Variants in ADGRA1 observed in about 807,000 individuals in gnomAD.
ADGRA1 encodes the protein adhesion G protein-coupled receptor A1.
Under a neutral mutation model 21.3 loss-of-function variants are expected in ADGRA1, and 12 were observed. That is an observed-to-expected ratio of 0.56 (90% CI 0.36 to 0.91). The LOEUF is 0.91. ADGRA1 is among the 40% of genes least tolerant of loss of function. The pLI, the probability that ADGRA1 is intolerant of heterozygous loss-of-function variation, is 0.01. For missense variants in ADGRA1, 790 were observed against 805.6 expected, an observed-to-expected ratio of 0.98 and a Z score of 0.23; for synonymous variants, 385 against 368.8, an observed-to-expected ratio of 1.04 and a Z score of -0.50.
At chr10:133,090,291 T>C (rs1261129487) in intron 2 of ADGRA1, among the ~76,000 whole-genome samples, 1 of 152,200 alleles carries the variant, frequency 6.6e-6, no homozygotes, top group Non-Finnish European at 1.5e-5. Context: ...TCCTGGCTCC[T>C]GGTGGAGCTT....
intron 2 of ADGRA1, among the ~76,000 whole-genome samples, chr10:133,094,379 C>A (rs2135865839): frequency 6.6e-6 from 1 of 152,374 alleles, no homozygotes; most frequent in Non-Finnish European, 1.5e-5. Context: ...CAGGACGCGG[C>A]TCGCAGGCAC....
At chr10:133,114,804 C>T (rs184051530) in intron 5 of ADGRA1, among the ~76,000 whole-genome samples, 2 of 152,282 alleles carry the variant, frequency 1.3e-5, no homozygotes, top group Non-Finnish European at 2.9e-5. Context: ...GTGCCGGGGC[C>T]GTCTCCTGAG....
In ADGRA1 at chr10:133,124,940, G is replaced by A. The variant is rs548346951; in HGVS notation, c.402-2293G>A. Among the ~76,000 whole-genome samples the A allele has an allele frequency of 1.3e-3, 202 of 152,372 alleles. 1 individual carries two copies. Among genetic ancestry groups the A allele is most frequent in the African/African-American group, 4.7e-3 (194 of 41,592 alleles). On this transcript the variant is annotated intron_variant, in intron 5 of 6. Coordinates refer to ENST00000392607, the MANE Select transcript of ADGRA1 (RefSeq NM_001083909.3). ...CTCCCGCGCCCTCTGCCGGCTCACC[G>A]GGAAGGAGCCCGGAGCCGGTGGTGC...
chr10:133,107,208 A>C (rs781331768), intron 5 of ADGRA1, among the ~76,000 whole-genome samples: 16 of 152,220 alleles, frequency 1.1e-4, no homozygotes, highest in Non-Finnish European at 2.2e-4. Context: ...AGCTTTGCTG[A>C]GTTCCTTTAT....
chr10:133,112,491 T>C (rs955401938), intron 5 of ADGRA1, among the ~76,000 whole-genome samples: 1 of 147,736 alleles, frequency 6.8e-6, no homozygotes, highest in Admixed American at 6.7e-5. Context: ...CGTCGGTTAT[T>C]TGGGGTCTGT....
chr10:133,102,105 G>T (rs567375998), intron 4 of ADGRA1: 1 of 414,094 alleles, frequency 2.4e-6, no homozygotes, highest in East Asian at 7.2e-5. Context: ...ATAAGCAAAC[G>T]CAGGAAGTTT....
At chr10:133,102,676 C>G in intron 4 of ADGRA1, 21 bp from the exon 5 acceptor site, 3 of 1,589,618 alleles carry the variant, frequency 1.9e-6, no homozygotes, top group Non-Finnish European at 2.6e-6. Context: ...AAGGGCCTGG[C>G]TGACCGCTGC....
rs1851548921 is a variant in ADGRA1, at chr10:133,088,836, A to G, written c.-74A>G. ...GAGGCCATGGAGGCTGGCGGGGAGC[A>G]GGGCGCCACCTGATCGCCTCCCCCT... is the stretch of plus-strand genomic sequence containing the variant. On this transcript the variant is annotated 5_prime_UTR_variant, in exon 2 of 7. Coordinates refer to ENST00000392607, the MANE Select transcript of ADGRA1 (RefSeq NM_001083909.3). 4 of 1,235,862 alleles carry G rather than the reference A, an allele frequency of 3.2e-6. No individual in the cohort carries two copies. The East Asian group carries it at 1.3e-4, about 39-fold the overall frequency. The allele number at this position is 1,235,862 out of a possible 1,614,324, so 76.6% of individuals were successfully genotyped here. A position where few individuals can be genotyped will look rare whatever the true frequency, so the allele number is the denominator to read the frequency against.
chr10:133,123,351 C>G (rs1333809807), intron 5 of ADGRA1, among the ~76,000 whole-genome samples: 1 of 152,222 alleles, frequency 6.6e-6, no homozygotes, highest in African/African-American at 2.4e-5. Context: ...CACATCAGCC[C>G]GAGCGGCAGA....
At position 133,128,773 on chromosome 10, in the gene ADGRA1, G is replaced by A; in HGVS notation, c.945G>A (p.Gln315=). The A allele has an allele frequency of 6.2e-7, 1 of 1,611,160 alleles. No individual in the cohort carries two copies. The highest frequency in any genetic ancestry group is 8.5e-7 in the Non-Finnish European group (1 of 1,179,212). Residue 315 remains glutamine, a synonymous_variant, in exon 7 of 7, where the codon CAG becomes CAA. Coordinates refer to ENST00000392607, the MANE Select transcript of ADGRA1 (RefSeq NM_001083909.3). ...GCGCCAAGCGTGAGGACGTGTGGCA[G>A]TGCTGGTGGGCATGCTGCCCGCCCC... ...HHCAKREDVW[Q]CWWACCPPRK...
intron 5 of ADGRA1, among the ~76,000 whole-genome samples, chr10:133,125,315 G>A (rs980823048): frequency 1.3e-5 from 2 of 152,208 alleles, no homozygotes; most frequent in South Asian, 2.1e-4. Flanking sequence ...TTTGTTTTCC[G>A]TTTTTACCAC....
chr10:133,095,151 A>G (rs1451836938), intron 2 of ADGRA1, among the ~76,000 whole-genome samples: 1 of 152,168 alleles, frequency 6.6e-6, no homozygotes, highest in Non-Finnish European at 1.5e-5. Context: ...TGGGGGAAGC[A>G]GGAGCCCCAG....
At chr10:133,100,426 AG>A (rs1333695783) in intron 4 of ADGRA1, among the ~76,000 whole-genome samples, 2 of 152,212 alleles carry the variant, frequency 1.3e-5, no homozygotes, top group African/African-American at 2.4e-5. Context: ...TCCGCGGGTG[AG>A]GCCCCCCGAG....
intron 5 of ADGRA1, among the ~76,000 whole-genome samples, chr10:133,112,450 G>A (rs1852059127): frequency 6.7e-6 from 1 of 149,210 alleles, no homozygotes; most frequent in Admixed American, 6.7e-5. Flanking sequence ...GGGTCTACGG[G>A]CCACGTCAGT....
chr10:133,090,841 C>T (rs1851586462), intron 2 of ADGRA1, among the ~76,000 whole-genome samples: 1 of 152,216 alleles, frequency 6.6e-6, no homozygotes, highest in South Asian at 2.1e-4. Flanking sequence ...AGGCATGAGT[C>T]AGCCCTGGAT....
In ADGRA1 at chr10:133,112,008, G is replaced by A. The variant is rs1490909000; in HGVS notation, c.401+9166G>A. Among the ~76,000 whole-genome samples the A allele has an allele frequency of 1.6e-5, 2 of 124,050 alleles. 1 individual carries two copies. Among genetic ancestry groups the A allele is most frequent in the African/African-American group, 6.7e-5 (2 of 29,748 alleles). The allele number at this position is 124,050 out of a possible 152,430, so 81.4% of individuals were successfully genotyped here. ...CCCTCCTAATGCCTCCAGACCACCT[G>A]CCCACCACAGACACCTCCCTCCTAA... On this transcript the variant is annotated intron_variant, in intron 5 of 6. Coordinates refer to ENST00000392607, the MANE Select transcript of ADGRA1 (RefSeq NM_001083909.3).
chr10:133,108,294 G>A (rs1029483603), intron 5 of ADGRA1, among the ~76,000 whole-genome samples: 37 of 152,370 alleles, frequency 2.4e-4, no homozygotes, highest in African/African-American at 6.3e-4. Context: ...AGAACCTGGC[G>A]TGAGCCTTTG....
At chr10:133,121,731 TTGTGTGTGTGG>T in intron 5 of ADGRA1, among the ~76,000 whole-genome samples, 1 of 102,938 alleles carries the variant, frequency 9.7e-6, no homozygotes, top group East Asian at 3.0e-4. Flanking sequence ...GTGAGTGTGC[TTGTGTGTGTGG>T]TGTGTGCCAG....
chr10:133,101,410 G>A (rs530488346), intron 4 of ADGRA1, among the ~76,000 whole-genome samples: 9 of 152,346 alleles, frequency 5.9e-5, no homozygotes, highest in Admixed American at 3.9e-4. Context: ...TGGGTCCGGC[G>A]GGGTGGGGCA....
Sources: gnomAD v4.1 joint callset for allele counts (sites outside exome capture counted in the v4.1 genomes callset) on GRCh38, gnomAD v4.1.1 for gene constraint, MANE v1.5 for transcripts, NCBI Gene and HGNC (gene_info 2026-07-23, HGNC 2026-07-21) for gene names.